The following ADIPOQ variants were observed in gnomAD, a reference collection of about 807,000 sequenced individuals.
The protein encoded by ADIPOQ is adiponectin.
ADIPOQ carries 19 observed loss-of-function variants against 16.1 expected under a neutral mutation model. That is an observed-to-expected ratio of 1.18 (90% CI 0.82 to 1.73). The LOEUF (loss-of-function observed/expected upper bound fraction) is 1.73. Ranked by LOEUF, ADIPOQ falls within the 40% of genes most tolerant of loss-of-function variation. The pLI, the probability that ADIPOQ is intolerant of heterozygous loss-of-function variation, is 0.00. For missense variants in ADIPOQ, 323 were observed against 308.3 expected, an observed-to-expected ratio of 1.05 and a Z score of -0.36; for synonymous variants, 124 against 125.5, an observed-to-expected ratio of 0.99 and a Z score of 0.08.
At chr3:186,850,766 A>C (rs1456463038) in intron 1 of ADIPOQ, among the ~76,000 whole-genome samples, 1 of 151,796 alleles carries the variant, frequency 6.6e-6, no homozygotes, top group African/African-American at 2.4e-5. Flanking sequence ...CCAAAGACAA[A>C]ATAAAGGAAT....
chr3:186,847,361 T>G (rs1348772400), intron 1 of ADIPOQ, among the ~76,000 whole-genome samples: 1 of 152,198 alleles, frequency 6.6e-6, no homozygotes, highest in Non-Finnish European at 1.5e-5. Flanking sequence ...TCCACAAAAT[T>G]TTTAATTTTA....
intron 1 of ADIPOQ, 22 bp from the exon 2 acceptor site, chr3:186,853,029 A>G (rs1317284235): frequency 6.2e-7 from 1 of 1,613,590 alleles, no homozygotes; most frequent in South Asian, 1.1e-5. Context: ...TCCATGGCTG[A>G]CAGTGCACAT....
intron 1 of ADIPOQ, among the ~76,000 whole-genome samples, 188 bp downstream of exon 1, chr3:186,842,937 G>A (rs182732507): frequency 6.6e-6 from 1 of 152,356 alleles, no homozygotes; most frequent in Admixed American, 6.5e-5. Context: ...AGCCCCAAGA[G>A]AGAAAGGGTT....
In ADIPOQ at chr3:186,856,676, T is replaced by C. The variant is rs1381854406; in HGVS notation, c.*1972T>C. 4 of 152,178 alleles carry C rather than the reference T, an allele frequency of 2.6e-5. No homozygotes were observed. Among genetic ancestry groups the C allele is most frequent in the Admixed American group, 6.5e-5 (1 of 15,278 alleles). The allele number at this position is 152,178 out of a possible 1,614,324, so 9.4% of individuals were successfully genotyped here. On this transcript the variant is annotated 3_prime_UTR_variant, in exon 3 of 3. Coordinates refer to ENST00000320741, the MANE Select transcript of ADIPOQ (RefSeq NM_004797.4). The stretch of plus-strand genomic sequence containing the variant: ...CATATTGGCCAGGCTGGTCTCGAAC[T>C]CCTGACCTTGTGATCTGCCCGCCTC...
At chr3:186,843,970 G>A (rs561570636) in intron 1 of ADIPOQ, among the ~76,000 whole-genome samples, 1 of 152,238 alleles carries the variant, frequency 6.6e-6, no homozygotes, top group South Asian at 2.1e-4. Context: ...CTGGTTTTTG[G>A]ATCAAGCCTC....
intron 2 of ADIPOQ, chr3:186,853,660 T>A (rs1043888648): frequency 1.8e-5 from 5 of 281,626 alleles, no homozygotes; most frequent in Non-Finnish European, 3.4e-5. Context: ...TTGATCTAGG[T>A]AAGATGTCTA....
chr3:186,843,734 G>A (rs1711510089), intron 1 of ADIPOQ, among the ~76,000 whole-genome samples: 2 of 151,734 alleles, frequency 1.3e-5, no homozygotes, highest in South Asian at 2.1e-4. Flanking sequence ...GGCATATAGT[G>A]GCAACTTATG....
intron 1 of ADIPOQ, among the ~76,000 whole-genome samples, chr3:186,843,660 CAAA>C (rs35615373): frequency 2.2e-4 from 28 of 126,716 alleles, no homozygotes; most frequent in Non-Finnish European, 2.9e-4. Flanking sequence ...GACTTTGTGT[CAAA>C]AAAAAAAAAA....
In ADIPOQ at chr3:186,854,888, G is replaced by A. The variant is rs1367203042; in HGVS notation, c.*184G>A. On this transcript the variant is annotated 3_prime_UTR_variant, in exon 3 of 3. Transcript: ENST00000320741. ...AAAAAAATCATATGCTATGTTCCCA[G>A]TCCTGGGGAGCTTCACAAACATGAC... 2.3e-6 allele frequency: 2 copies of A among 859,010 alleles called. No individual in the cohort carries two copies. Among genetic ancestry groups the A allele is most frequent in the African/African-American group, 1.7e-5 (1 of 58,768 alleles). The allele number at this position is 859,010 out of a possible 1,614,324, so 53.2% of individuals were successfully genotyped here. A position where few individuals can be genotyped will look rare whatever the true frequency, so the allele number is the denominator to read the frequency against.
Position 186,845,224 on chromosome 3 carries a change from T to C in ADIPOQ, c.-9+2475T>C, listed in dbSNP as rs999823438. ...TGTGTGTGTGTTGGGCATGGAGATA[T>C]TGACAGCTCTCCCAGGGCTGAGTGA... On this transcript the variant is annotated intron_variant, in intron 1 of 2. Coordinates refer to ENST00000320741, the MANE Select transcript of ADIPOQ (RefSeq NM_004797.4). Among the ~76,000 whole-genome samples, 3 of 151,886 alleles carry C rather than the reference T, an allele frequency of 2.0e-5. No individual in the cohort carries two copies. The South Asian group carries it at 6.2e-4, about 32-fold the overall frequency.
At chr3:186,848,257 GGAAGGAAGGAAGGAAA>G (rs1711636067) in intron 1 of ADIPOQ, among the ~76,000 whole-genome samples, 50 of 51,224 alleles carry the variant, frequency 9.8e-4, no homozygotes, top group African/African-American at 2.2e-3. Context: ...AAAGAAGGAA[GGAAGGAAGGAAGGAAA>G]GAAGGAAGGA....
intron 1 of ADIPOQ, among the ~76,000 whole-genome samples, chr3:186,844,896 C>G (rs1711540676): frequency 6.6e-6 from 1 of 152,096 alleles, no homozygotes; most frequent in South Asian, 2.1e-4. Flanking sequence ...CCGGTGGTCC[C>G]AGACATACGG....
chr3:186,848,062 A>C (rs1399697552), intron 1 of ADIPOQ, among the ~76,000 whole-genome samples: 1 of 151,964 alleles, frequency 6.6e-6, no homozygotes, highest in Non-Finnish European at 1.5e-5. Context: ...GATCCCAGCT[A>C]CTTGGGAGGG....
intron 2 of ADIPOQ, 50 bp downstream of exon 2, chr3:186,853,322 A>G: frequency 6.5e-7 from 1 of 1,538,286 alleles, no homozygotes; most frequent in Non-Finnish European, 8.8e-7. Flanking sequence ...CACTGATATA[A>G]ACTATATGAA....
chr3:186,848,358 T>C (rs1387143770), intron 1 of ADIPOQ, among the ~76,000 whole-genome samples: 3 of 152,036 alleles, frequency 2.0e-5, no homozygotes, highest in African/African-American at 7.2e-5. Context: ...TGGCAATATC[T>C]AAAAAAATAG....
At chr3:186,845,107 T>TGG (rs35378606) in intron 1 of ADIPOQ, among the ~76,000 whole-genome samples, 1 of 149,792 alleles carries the variant, frequency 6.7e-6, no homozygotes, top group East Asian at 2.0e-4. Context: ...TGTGTATGTG[T>TGG]GGGGGGGGGT....
intron 1 of ADIPOQ, among the ~76,000 whole-genome samples, chr3:186,851,444 G>A (rs571154651): frequency 6.6e-6 from 1 of 152,120 alleles, no homozygotes; most frequent in South Asian, 2.1e-4. Context: ...GGCAGAATCT[G>A]AGAGGGGATA....
chr3:186,848,588 G>C (rs954982321), intron 1 of ADIPOQ, among the ~76,000 whole-genome samples: 1 of 152,106 alleles, frequency 6.6e-6, no homozygotes, highest in Non-Finnish European at 1.5e-5. Flanking sequence ...ACATGAGAAC[G>C]CTGACATGGG....
At position 186,854,363 on chromosome 3, in the gene ADIPOQ, T is replaced by C. The variant is rs775373913; in HGVS notation, c.394T>C (p.Phe132Leu). Residue 132 changes from phenylalanine to leucine, a missense_variant, in exon 3 of 3, where the codon TTT (phenylalanine) becomes CTT (leucine). Physicochemically the swap from Phe to Leu is conservative, Grantham distance 22 (BLOSUM62 0). Transcript: ENST00000320741. ...TACTATCCCCAACATGCCCATTCGC[T>C]TTACCAAGATCTTCTACAATCAGCA... ...YVTIPNMPIRFTKIFYNQQNH... is the reference protein window; with the variant it reads ...YVTIPNMPIRLTKIFYNQQNH... 1 of 1,614,196 alleles carries C rather than the reference T, an allele frequency of 6.2e-7. No individual in the cohort carries two copies. The highest frequency in any genetic ancestry group is 1.7e-5 in the Admixed American group (1 of 60,026).
Sources: allele counts gnomAD v4.1 joint callset (sites outside exome capture counted in the v4.1 genomes callset), GRCh38; gene constraint gnomAD v4.1.1; transcripts MANE v1.5; gene names NCBI Gene and HGNC (gene_info 2026-07-23, HGNC 2026-07-21).